The following FOXP2 variants were observed in gnomAD, a reference collection of about 807,000 sequenced individuals.
FOXP2 encodes forkhead box P2.
A neutral mutation model predicts 115.8 loss-of-function variants in FOXP2; 12 were observed. The ratio of observed to expected loss-of-function variants is 0.10; its 90% CI spans 0.07 to 0.17. The LOEUF (loss-of-function observed/expected upper bound fraction) is 0.17, where lower values mean the gene tolerates loss of function less well. Ranked by LOEUF, FOXP2 falls within the 10% of genes least tolerant of loss-of-function variation. FOXP2 has a pLI of 1.00. For synonymous variants in FOXP2, 328 were observed against 297.7 expected (o/e 1.10, Z -1.05); for missense variants, 629 against 843.5 (o/e 0.75, Z 3.15).
rs997205327 is a variant in FOXP2 at position 114,654,542 on chromosome 7, A to G, written c.1266+533A>G. ...ATTGATATGTTTTATTGTACATTATACATAATGTTAATTTAGAGAGCTTAT... is the reference window on the plus strand; with the variant it reads ...ATTGATATGTTTTATTGTACATTATGCATAATGTTAATTTAGAGAGCTTAT... On this transcript the variant is annotated intron_variant, in intron 10 of 16. Transcript: ENST00000350908. Among the ~76,000 whole-genome samples the G allele has an allele frequency of 2.7e-4, 41 of 152,176 alleles. 1 individual carries two copies. The highest frequency in any genetic ancestry group is 8.8e-5 in the Non-Finnish European group (6 of 68,022).
chr7:114,439,780 C>A (rs1179727439), intron 2 of FOXP2, among the ~76,000 whole-genome samples: 1 of 151,870 alleles, frequency 6.6e-6, no homozygotes, highest in Non-Finnish European at 1.5e-5. Flanking sequence ...TGGCATGTTG[C>A]CCAGACTGGT....
At chr7:114,332,635 G>A (rs1797740626) in intron 2 of FOXP2, among the ~76,000 whole-genome samples, 1 of 151,948 alleles carries the variant, frequency 6.6e-6, no homozygotes, top group African/African-American at 2.4e-5. Flanking sequence ...TCTCCTGACT[G>A]CAAATACTGC....
intron 1 of FOXP2, among the ~76,000 whole-genome samples, chr7:114,137,722 G>A (rs1185872805): frequency 6.6e-6 from 1 of 152,178 alleles, no homozygotes; most frequent in Non-Finnish European, 1.5e-5. Context: ...TTACTGATAA[G>A]TAAGAGGAAG....
At position 114,405,651 on chromosome 7, in the gene FOXP2, G is replaced by T. The variant is rs1793017479; in HGVS notation, c.-10-20851G>T. Reference sequence around the variant, plus strand: ...TAGTGCTGCCTACTGGTAAGAAATAGTAGTGTTTAAAGGGTAAATGAAAAT... The same window carrying T: ...TAGTGCTGCCTACTGGTAAGAAATATTAGTGTTTAAAGGGTAAATGAAAAT... On this transcript the variant is annotated intron_variant, in intron 2 of 17. Coordinates refer to the FOXP2 transcript ENST00000634411. 2.6e-5 allele frequency among the ~76,000 whole-genome samples: 4 copies of T among 151,870 alleles called. No individual in the cohort carries two copies. The South Asian group carries it at 6.2e-4, about 24-fold the overall frequency.
At chr7:114,147,410 A>G (rs1477799447) in intron 1 of FOXP2, among the ~76,000 whole-genome samples, 1 of 152,094 alleles carries the variant, frequency 6.6e-6, no homozygotes, top group African/African-American at 2.4e-5. Flanking sequence ...TAGTGCCATG[A>G]TGTAGTGAAA....
upstream of FOXP2, among the ~76,000 whole-genome samples, chr7:114,409,306 A>G (rs1342586981): frequency 2.6e-5 from 4 of 152,148 alleles, no homozygotes; most frequent in Non-Finnish European, 5.9e-5. Context: ...ACTTTTGCAC[A>G]TTCAGTGATG....
intron 1 of FOXP2, among the ~76,000 whole-genome samples, chr7:114,088,479 C>T (rs1433170526): frequency 6.6e-6 from 1 of 152,180 alleles, no homozygotes; most frequent in African/African-American, 2.4e-5. Context: ...CTGAAGTGGA[C>T]GTTTTCCAAC....
intron 1 of FOXP2, among the ~76,000 whole-genome samples, chr7:114,185,723 C>A (rs931968381): frequency 6.6e-6 from 1 of 152,118 alleles, no homozygotes; most frequent in Non-Finnish European, 1.5e-5. Flanking sequence ...GAATTCTAAA[C>A]CCTAGGTTCT....
At chr7:114,623,444 G>A (rs1265923729) in intron 3 of FOXP2, among the ~76,000 whole-genome samples, 1 of 151,888 alleles carries the variant, frequency 6.6e-6, no homozygotes, top group African/African-American at 2.4e-5. Context: ...TGAGAAGAAA[G>A]AAAAACAAGG....
intron 2 of FOXP2, among the ~76,000 whole-genome samples, chr7:114,458,546 CTTTTTTTTT>C (rs1177402028): frequency 8.8e-6 from 1 of 113,420 alleles, no homozygotes; most frequent in African/African-American, 3.4e-5. Context: ...ATTTTCTTTT[CTTTTTTTTT>C]TTTTTTTTTT....
intron 2 of FOXP2, among the ~76,000 whole-genome samples, chr7:114,482,288 A>G (rs1455486646): frequency 1.3e-5 from 2 of 151,492 alleles, no homozygotes; most frequent in Non-Finnish European, 3.0e-5. Flanking sequence ...TCTCAGTGTT[A>G]TGGAGGCTTG....
At chr7:114,275,743 A>C (rs1584600541) in intron 1 of FOXP2, among the ~76,000 whole-genome samples, 1 of 152,272 alleles carries the variant, frequency 6.6e-6, no homozygotes, top group Non-Finnish European at 1.5e-5. Context: ...ATGCCTTGTA[A>C]TGTTTTCTTG....
At chr7:114,561,106 T>C (rs1800737388) in intron 3 of FOXP2, 1 of 152,212 alleles carries the variant, frequency 6.6e-6, no homozygotes, top group Non-Finnish European at 1.5e-5. Flanking sequence ...TTGGCCTAAC[T>C]TGTATCACCC....
At chr7:114,213,383 T>A (rs1794407002) in intron 1 of FOXP2, among the ~76,000 whole-genome samples, 1 of 152,168 alleles carries the variant, frequency 6.6e-6, no homozygotes, top group Non-Finnish European at 1.5e-5. Context: ...AATTCATAAA[T>A]AGAAAACATT....
At chr7:114,378,494 G>A (rs1792195918) in intron 2 of FOXP2, among the ~76,000 whole-genome samples, 1 of 151,554 alleles carries the variant, frequency 6.6e-6, no homozygotes, top group Admixed American at 6.6e-5. Flanking sequence ...AACCAGTCTG[G>A]GCAACATAAG....
chr7:114,357,356 G>A (rs1326818668), intron 2 of FOXP2, among the ~76,000 whole-genome samples: 1 of 152,160 alleles, frequency 6.6e-6, no homozygotes, highest in African/African-American at 2.4e-5. Context: ...AATATTAATG[G>A]AGACGTATTG....
intron 1 of FOXP2, among the ~76,000 whole-genome samples, chr7:114,221,643 G>A (rs987251008): frequency 1.3e-5 from 2 of 152,068 alleles, no homozygotes; most frequent in African/African-American, 4.8e-5. Context: ...CCCTAGGGCT[G>A]TATACTGTAC....
At chr7:114,429,304 T>C (rs974321082) in intron 2 of FOXP2, among the ~76,000 whole-genome samples, 1 of 151,482 alleles carries the variant, frequency 6.6e-6, no homozygotes, top group African/African-American at 2.4e-5. Flanking sequence ...AGGATATCTT[T>C]AAATTTTAAA....
intron 2 of FOXP2, among the ~76,000 whole-genome samples, chr7:114,293,330 C>T (rs941548754): frequency 6.6e-6 from 1 of 152,066 alleles, no homozygotes; most frequent in Non-Finnish European, 1.5e-5. Context: ...TTCTGTCTCT[C>T]CCATTCTTTC....
Sources: allele counts gnomAD v4.1 joint callset (sites outside exome capture counted in the v4.1 genomes callset), GRCh38; gene constraint gnomAD v4.1.1; transcripts MANE v1.5; gene names NCBI Gene and HGNC (gene_info 2026-07-23, HGNC 2026-07-21).